The following HELQ variants were observed in gnomAD, a reference collection of about 807,000 sequenced individuals.
HELQ encodes the protein helicase, POLQ like.
HELQ carries 77 observed loss-of-function variants against 111.6 expected under a neutral mutation model. The ratio of observed to expected loss-of-function variants is 0.69; its 90% CI spans 0.57 to 0.83. HELQ has a LOEUF of 0.83. HELQ is among the 40% of genes least tolerant of loss of function. The probability of loss-of-function intolerance (pLI) is 0.00; values close to 1 mark genes in which losing one functional copy is unlikely to be tolerated. For missense variants in HELQ, 1,200 were observed against 1,288.5 expected, an observed-to-expected ratio of 0.93 and a Z score of 1.05; for synonymous variants, 438 against 454.7, an observed-to-expected ratio of 0.96 and a Z score of 0.47.
chr4:83,453,403 C>G lies in HELQ; in HGVS notation c.840G>C (p.Gln280His). Residue 280 changes from glutamine (Q) to histidine (H), a missense_variant, in exon 2 of 18, where the codon CAG becomes CAC. Around this residue, in one of 3 missense-constraint regions of HELQ, gnomAD observed 610 missense variants for 607.1 expected, o/e 1.00. Coordinates refer to ENST00000295488, the MANE Select transcript of HELQ (RefSeq NM_133636.5). Reference sequence around the variant, plus strand: ...GTTTACTTCTAGAAAATATTGGTGTCTGGGCCTTCGCATTTCCAGTCATGG... The same window carrying G: ...GTTTACTTCTAGAAAATATTGGTGTGTGGGCCTTCGCATTTCCAGTCATGG... The part of the protein sequence containing the change: ...KNAMTGNAKA[Q>H]TPIFSRSKQL... 1.2e-6 allele frequency: 2 copies of G among 1,605,648 alleles called. No homozygotes were observed. The highest frequency in any genetic ancestry group is 1.7e-5 in the Admixed American group (1 of 57,740).
rs569169794 is a variant in HELQ at position 83,435,480 on chromosome 4, G to C, written c.2048+1378C>G. On this transcript the variant is annotated intron_variant, in intron 9 of 17. Transcript: ENST00000295488. ...TTGCTAGTGAAGTGTAAAAGTGTGAGGCCAAAATACAGATATCTTCAACTA... is the reference window on the plus strand; with the variant it reads ...TTGCTAGTGAAGTGTAAAAGTGTGACGCCAAAATACAGATATCTTCAACTA... Among the ~76,000 whole-genome samples, 32 of 151,932 alleles carry C rather than the reference G, an allele frequency of 2.1e-4. No homozygotes were observed. The East Asian group carries it at 5.8e-3, about 28-fold the overall frequency.
At position 83,407,404 on chromosome 4, in the gene HELQ, A is replaced by G. The variant is rs766996341; in HGVS notation, c.*49T>C. Reference sequence around the variant, plus strand: ...TAAAGTATAAGTTATCTTTAATAACACACATGTACAATAAATAATTCATAT... The same window carrying G: ...TAAAGTATAAGTTATCTTTAATAACGCACATGTACAATAAATAATTCATAT... On this transcript the variant is annotated 3_prime_UTR_variant, in exon 18 of 18. Transcript: ENST00000295488. 2 of 1,129,446 alleles carry G rather than the reference A, an allele frequency of 1.8e-6. No homozygotes were observed. Among genetic ancestry groups the G allele is most frequent in the East Asian group, 5.1e-5 (2 of 39,578 alleles). The allele number at this position is 1,129,446 out of a possible 1,614,324, so 70.0% of individuals were successfully genotyped here. A position where few individuals can be genotyped will look rare whatever the true frequency, so the allele number is the denominator to read the frequency against.
intron 10 of HELQ, 47 bp from the exon 11 acceptor site, chr4:83,431,815 A>ACC: frequency 2.6e-6 from 2 of 762,668 alleles, no homozygotes; most frequent in Non-Finnish European, 3.9e-6. Flanking sequence ...TATTAAAAAT[A>ACC]AATGGTATTT....
At chr4:83,447,334 A>G (rs1049028541) in intron 3 of HELQ, among the ~76,000 whole-genome samples, 3 of 151,922 alleles carry the variant, frequency 2.0e-5, no homozygotes, top group Non-Finnish European at 4.4e-5. Flanking sequence ...GCGACAGAGC[A>G]AGACCCTGAC....
intron 2 of HELQ, among the ~76,000 whole-genome samples, chr4:83,449,218 C>T (rs895569861): frequency 6.6e-6 from 1 of 152,238 alleles, no homozygotes; most frequent in African/African-American, 2.4e-5. Flanking sequence ...TCCAATATTA[C>T]AGCAGGGCAG....
chr4:83,413,601 C>T (rs961006798), intron 17 of HELQ, among the ~76,000 whole-genome samples: 2 of 152,192 alleles, frequency 1.3e-5, no homozygotes, highest in African/African-American at 4.8e-5. Context: ...GTCTGATCCC[C>T]TTTCCTTTCA....
intron 1 of HELQ, 27 bp downstream of exon 1, chr4:83,455,370 C>G (rs1721706109): frequency 1.3e-6 from 2 of 1,599,040 alleles, no homozygotes; most frequent in Non-Finnish European, 1.7e-6. Context: ...CAAAAGTTTG[C>G]AGTTTCAAGT....
chr4:83,445,504 T>A (rs970936422), intron 5 of HELQ, among the ~76,000 whole-genome samples: 1 of 152,190 alleles, frequency 6.6e-6, no homozygotes, highest in Non-Finnish European at 1.5e-5. Context: ...AAATTTTTCA[T>A]AAACTTTAAA....
At chr4:83,424,801 C>T (rs968394798) in intron 14 of HELQ, among the ~76,000 whole-genome samples, 2 of 151,924 alleles carry the variant, frequency 1.3e-5, no homozygotes, top group Non-Finnish European at 2.9e-5. Context: ...CATGGTCGCC[C>T]ACCTCGGCCT....
chr4:83,417,198 T>C (rs2109967529), intron 16 of HELQ, among the ~76,000 whole-genome samples: 1 of 151,766 alleles, frequency 6.6e-6, no homozygotes, highest in African/African-American at 2.4e-5. Flanking sequence ...TTCTTTTTCT[T>C]TTCTTTTCTT....
At chr4:83,407,972 C>G (rs1018168818) in intron 17 of HELQ, among the ~76,000 whole-genome samples, 1 of 152,018 alleles carries the variant, frequency 6.6e-6, no homozygotes, top group Admixed American at 6.6e-5. Flanking sequence ...TAAAAAGCTA[C>G]CAGTATTTCA....
chr4:83,445,991 A>T (rs745366219), intron 5 of HELQ, 23 bp downstream of exon 5: 1 of 1,436,650 alleles, frequency 7.0e-7, no homozygotes, highest in Non-Finnish European at 9.8e-7. Context: ...TCAATTCATG[A>T]CCTCATTTGA....
At chr4:83,432,033 A>C in intron 10 of HELQ, 93 bp downstream of exon 10, 1 of 758,098 alleles carries the variant, frequency 1.3e-6, no homozygotes, top group Non-Finnish European at 2.0e-6. Context: ...AAAGAAAATT[A>C]ATAATTAATT....
chr4:83,439,367 CT>C lies in HELQ; in HGVS notation c.1808+495del, dbSNP rs34289754. 1.4e-3 allele frequency among the ~76,000 whole-genome samples: 205 copies of C among 144,150 alleles called. 2 individuals carry two copies. The highest frequency in any genetic ancestry group is 1.2e-3 in the East Asian group (6 of 4,834). The allele number at this position is 144,150 out of a possible 152,430, so 94.6% of individuals were successfully genotyped here. A position where few individuals can be genotyped will look rare whatever the true frequency, so the allele number is the denominator to read the frequency against. ...GGCATGAGCCACCGTGCCTGGTCTT[CT>C]TTTTTTTTTTTGATGGAGTCTCGCT... On this transcript the variant is annotated intron_variant, in intron 8 of 17. Transcript: ENST00000295488.
chr4:83,415,444 G>C (rs1272967534), intron 17 of HELQ, among the ~76,000 whole-genome samples: 1 of 152,138 alleles, frequency 6.6e-6, no homozygotes, highest in African/African-American at 2.4e-5. Context: ...GATAATTTTT[G>C]TAACACTAAG....
chr4:83,445,133 G>A (rs1030017195), intron 5 of HELQ, among the ~76,000 whole-genome samples: 16 of 152,174 alleles, frequency 1.1e-4, no homozygotes, highest in African/African-American at 3.4e-4. Context: ...GGAGAGTGGT[G>A]GCTGAGAATT....
chr4:83,438,995 AC>A (rs1345294502), intron 8 of HELQ, among the ~76,000 whole-genome samples: 2 of 152,148 alleles, frequency 1.3e-5, no homozygotes, highest in Non-Finnish European at 2.9e-5. Flanking sequence ...TTCACTATGC[AC>A]CCAAGGTTTT....
At chr4:83,436,527 T>G (rs1447242511) in intron 9 of HELQ, among the ~76,000 whole-genome samples, 1 of 152,158 alleles carries the variant, frequency 6.6e-6, no homozygotes, top group Non-Finnish European at 1.5e-5. Context: ...CTATGTTAAA[T>G]AAACTCTTTC....
At chr4:83,455,880 A>G, upstream of HELQ, 2 of 766,718 alleles carry the variant, frequency 2.6e-6, no homozygotes, top group East Asian at 2.5e-5. Flanking sequence ...CATAAGCCTC[A>G]CGTGACCTGC....
Sources: gnomAD v4.1 joint callset for allele counts (sites outside exome capture counted in the v4.1 genomes callset) on GRCh38, gnomAD v4.1.1 for gene constraint, gnomAD v4.1.1 regional missense constraint, MANE v1.5 for transcripts, NCBI Gene and HGNC (gene_info 2026-07-23, HGNC 2026-07-21) for gene names.